Variants in PMPCB observed in about 807,000 individuals in gnomAD.
PMPCB encodes the protein mitochondrial-processing peptidase subunit beta.
A neutral mutation model predicts 61.5 loss-of-function variants in PMPCB; 46 were observed. The ratio of observed to expected loss-of-function variants is 0.75; its 90% CI spans 0.59 to 0.96. The LOEUF is 0.96. PMPCB is among the 40% of genes least tolerant of loss of function. The pLI is 0.00. For missense variants in PMPCB, 590 were observed against 602.4 expected (o/e 0.98, Z 0.22); for synonymous variants, 191 against 201.6 (o/e 0.95, Z 0.44).
chr7:103,342,397 C>A, the PMPCB span, among the ~76,000 whole-genome samples: 1 of 151,970 alleles, frequency 6.6e-6, no homozygotes, highest in Non-Finnish European at 1.5e-5. Context: ...TCTCCACCTC[C>A]CGGGTTCAAG....
chr7:103,312,130 T>A lies in PMPCB; in HGVS notation c.1404T>A (p.Val468=), dbSNP rs754863008. 5.0e-6 allele frequency: 8 copies of A among 1,614,090 alleles called. No homozygotes were observed. The highest frequency in any genetic ancestry group is 6.8e-6 in the Non-Finnish European group (8 of 1,179,970). The part of the protein sequence containing the change: ...IYNRSPAIAA[V]GPIKQLPDFK... ...ATAGGAGTCCAGCTATTGCTGCTGT[T>A]GGTAAGCCTGGCTTCTTTTCTTCTA... Residue 468 remains valine, a splice_region_variant and synonymous_variant, in exon 12 of 13, where the codon GTT becomes GTA. Coordinates refer to ENST00000249269, the MANE Select transcript of PMPCB (RefSeq NM_004279.3).
chr7:103,336,823 G>A, the PMPCB span: 1 of 152,154 alleles, frequency 6.6e-6, no homozygotes, highest in Non-Finnish European at 1.5e-5. Context: ...CCTTCACTTT[G>A]TTAAAAAATA....
At chr7:103,314,735 T>A, downstream of PMPCB, 3 of 739,686 alleles carry the variant, frequency 4.1e-6, no homozygotes, top group Non-Finnish European at 5.0e-6. Context: ...TCCCCTATAT[T>A]AACACTGTAA....
Position 103,304,634 on chromosome 7 carries a change from C to T in PMPCB, c.736+144C>T, listed in dbSNP as rs1055289787. 16 of 649,438 alleles carry T rather than the reference C, an allele frequency of 2.5e-5. No individual in the cohort carries two copies. The African/African-American group carries it at 2.9e-4, about 12-fold the overall frequency. 40.2% of individuals were successfully genotyped at this position (649,438 alleles called of 1,614,324 possible). A position where few individuals can be genotyped will look rare whatever the true frequency, so the allele number is the denominator to read the frequency against. On this transcript the variant is annotated intron_variant, in intron 6 of 12. Coordinates refer to ENST00000249269, the MANE Select transcript of PMPCB (RefSeq NM_004279.3). ...TAGTGTGTAAGGGGAATGTGGAGCA[C>T]TGGAATCAGAATTTCCCTCTATTTT...
chr7:103,327,378 C>T, intron 12 of PMPCB: 2 of 1,230,720 alleles, frequency 1.6e-6, no homozygotes, highest in South Asian at 1.3e-5. Flanking sequence ...ACCTGGGGAT[C>T]CTGTTAAAAT....
chr7:103,327,859 T>C, intron 12 of PMPCB: 1 of 636,274 alleles, frequency 1.6e-6, no homozygotes. Context: ...TATTAGAATC[T>C]TTTCTCCCAC....
chr7:103,301,347 C>A (rs1313785338), intron 4 of PMPCB, among the ~76,000 whole-genome samples: 1 of 152,180 alleles, frequency 6.6e-6, no homozygotes, highest in African/African-American at 2.4e-5. Context: ...AAAATGACAG[C>A]AACGATGGAG....
At chr7:103,311,390 T>C in intron 9 of PMPCB, 2 of 514,988 alleles carry the variant, frequency 3.9e-6, no homozygotes, top group East Asian at 3.3e-5. Flanking sequence ...TCAAGATGCT[T>C]ATAGCATTTC....
At chr7:103,333,007 A>G (rs574826547), downstream of PMPCB, among the ~76,000 whole-genome samples, 38 of 152,088 alleles carry the variant, frequency 2.5e-4, no homozygotes, top group South Asian at 7.7e-3. Context: ...ATTTTTTTAG[A>G]TTTTGGAATA....
At chr7:103,327,863 C>G in intron 12 of PMPCB, 3 of 622,312 alleles carry the variant, frequency 4.8e-6, no homozygotes, top group Non-Finnish European at 8.4e-6. Context: ...AGAATCTTTT[C>G]TCCCACAGTA....
At chr7:103,320,041 C>G (rs1315493982) in intron 12 of PMPCB, among the ~76,000 whole-genome samples, 1 of 152,056 alleles carries the variant, frequency 6.6e-6, no homozygotes, top group Non-Finnish European at 1.5e-5. Context: ...CTCAAAAAAA[C>G]AGACAATGAC....
chr7:103,313,030 G>T lies in PMPCB; in HGVS notation c.*759G>T. The T allele has an allele frequency of 6.2e-7, 1 of 1,613,844 alleles. No individual in the cohort carries two copies. Among genetic ancestry groups the T allele is most frequent in the African/African-American group, 1.3e-5 (1 of 74,974 alleles). The stretch of plus-strand genomic sequence containing the variant: ...TCCCATCTTTCAGGTGTATTTACTG[G>T]GTATGTTTTCAAAGCTTGTTCCAAA... On this transcript the variant is annotated 3_prime_UTR_variant, in exon 13 of 13. Coordinates refer to ENST00000249269, the MANE Select transcript of PMPCB (RefSeq NM_004279.3).
downstream of PMPCB, among the ~76,000 whole-genome samples, chr7:103,329,795 G>A (rs951373249): frequency 6.6e-6 from 1 of 152,158 alleles, no homozygotes; most frequent in African/African-American, 2.4e-5. Context: ...TCCAAAAACT[G>A]TGTAATTTTT....
chr7:103,309,065 C>T lies in PMPCB; in HGVS notation c.963C>T (p.Gly321=). 6.2e-7 allele frequency: 1 copy of T among 1,607,088 alleles called. No individual in the cohort carries two copies. The change falls in exon 8 of 13, where the codon GGC becomes GGT. Residue 321 remains glycine (G), a synonymous_variant. Coordinates refer to ENST00000249269, the MANE Select transcript of PMPCB (RefSeq NM_004279.3). The part of the protein sequence containing the change: ...ICLMVANTLI[G]NWDRSFGGGM... ...TCATGGTTGCAAACACGCTGATTGGCAACTGGGATCGCTCTTTTGGGGGAG... is the reference window on the plus strand; with the variant it reads ...TCATGGTTGCAAACACGCTGATTGGTAACTGGGATCGCTCTTTTGGGGGAG...
At chr7:103,320,450 T>G (rs1177894899) in intron 12 of PMPCB, among the ~76,000 whole-genome samples, 3 of 152,094 alleles carry the variant, frequency 2.0e-5, no homozygotes, top group Non-Finnish European at 4.4e-5. Context: ...AGTTTTTTTC[T>G]AAACATAATC....
At chr7:103,319,879 C>A in intron 12 of PMPCB, 1 of 1,598,436 alleles carries the variant, frequency 6.3e-7, no homozygotes. Flanking sequence ...TATCTACACT[C>A]AAAAATACAT....
At chr7:103,331,644 C>G (rs752924398), downstream of PMPCB, among the ~76,000 whole-genome samples, 1 of 152,202 alleles carries the variant, frequency 6.6e-6, no homozygotes, top group Non-Finnish European at 1.5e-5. Flanking sequence ...TTATTTCACT[C>G]AACATAATGA....
At chr7:103,300,955 A>G (rs2115628297) in intron 4 of PMPCB, among the ~76,000 whole-genome samples, 1 of 152,326 alleles carries the variant, frequency 6.6e-6, no homozygotes. Context: ...AAGTGCTGGG[A>G]TTATAGGCGT....
rs139362551 is a variant in PMPCB at position 103,303,902 on chromosome 7, G to C, written c.518G>C (p.Arg173Pro). ...NSTLGEAEIE[R>P]ERGVILREMQ... ...ACATTGGGAGAAGCAGAGATTGAAC[G>C]TGAGCGTGGAGTAATCCTTAGAGAG... The change falls in exon 5 of 13, where the codon CGT becomes CCT. Residue 173 changes from arginine to proline, a missense_variant. By Grantham distance (103) the Arg-to-Pro change is moderately radical (BLOSUM62 -2). Transcript: ENST00000249269. 6.2e-7 allele frequency: 1 copy of C among 1,613,754 alleles called. No individual in the cohort carries two copies. The highest frequency in any genetic ancestry group is 1.3e-5 in the African/African-American group (1 of 74,930).
Sources: gnomAD v4.1 joint callset for allele counts (sites outside exome capture counted in the v4.1 genomes callset) on GRCh38, gnomAD v4.1.1 for gene constraint, MANE v1.5 for transcripts, NCBI Gene and HGNC (gene_info 2026-07-23, HGNC 2026-07-21) for gene names.